Variants in TAFA4 observed in about 807,000 individuals in gnomAD.
TAFA4 encodes TAFA chemokine like family member 4.
Under a neutral mutation model 21.1 loss-of-function variants are expected in TAFA4, and 20 were observed. That is an observed-to-expected ratio of 0.95 (90% CI 0.67 to 1.38). TAFA4 has a LOEUF of 1.38. TAFA4 is among the 40% of genes most tolerant of loss of function. The pLI is 0.00. For missense variants in TAFA4, 211 were observed against 180.9 expected (o/e 1.17, Z -0.95); for synonymous variants, 71 against 67.4 (o/e 1.05, Z -0.26).
chr3:68,902,152 G>A (rs1387050671), intron 1 of TAFA4, among the ~76,000 whole-genome samples: 1 of 152,144 alleles, frequency 6.6e-6, no homozygotes, highest in Non-Finnish European at 1.5e-5. Context: ...ATTTTACAAA[G>A]AAGGATATGT....
At chr3:68,735,875 C>G (rs1183946962) in intron 5 of TAFA4, among the ~76,000 whole-genome samples, 1 of 152,094 alleles carries the variant, frequency 6.6e-6, no homozygotes, top group Admixed American at 6.6e-5. Context: ...GTTGTAGAAG[C>G]TGTCTGTGCT....
chr3:68,796,409 G>A (rs1312385517), intron 3 of TAFA4, among the ~76,000 whole-genome samples: 1 of 152,076 alleles, frequency 6.6e-6, no homozygotes, highest in South Asian at 2.1e-4. Context: ...AAGACACAGT[G>A]CAACTATAAA....
chr3:68,865,403 A>G (rs1440317338), intron 3 of TAFA4, among the ~76,000 whole-genome samples: 1 of 151,988 alleles, frequency 6.6e-6, no homozygotes, highest in African/African-American at 2.4e-5. Flanking sequence ...ATGGAAGGCA[A>G]TTGAATCATG....
chr3:68,875,630 A>G (rs1390627625), intron 3 of TAFA4, among the ~76,000 whole-genome samples: 3 of 152,234 alleles, frequency 2.0e-5, no homozygotes, highest in African/African-American at 7.2e-5. Context: ...ACCATATTAA[A>G]ATGGTATCAT....
At chr3:68,755,687 A>C (rs1702648057) in intron 3 of TAFA4, among the ~76,000 whole-genome samples, 1 of 152,166 alleles carries the variant, frequency 6.6e-6, no homozygotes, top group Non-Finnish European at 1.5e-5. Flanking sequence ...TCACTCACTC[A>C]GGGGAAACCC....
At chr3:68,876,305 A>T (rs1235494827) in intron 3 of TAFA4, among the ~76,000 whole-genome samples, 2 of 152,162 alleles carry the variant, frequency 1.3e-5, no homozygotes, top group Non-Finnish European at 2.9e-5. Context: ...AGCCTTGCCT[A>T]CCCCCTAGTG....
intron 3 of TAFA4, among the ~76,000 whole-genome samples, chr3:68,785,783 G>A (rs371953680): frequency 2.7e-5 from 4 of 149,630 alleles, no homozygotes; most frequent in Non-Finnish European, 4.4e-5. Flanking sequence ...AGGAGGTGCC[G>A]AGAGTGAGCG....
chr3:68,775,360 G>A (rs1466113040), intron 3 of TAFA4, among the ~76,000 whole-genome samples: 2 of 152,098 alleles, frequency 1.3e-5, no homozygotes, highest in African/African-American at 2.4e-5. Flanking sequence ...ATGCTGGGGA[G>A]AGTAATGTGG....
chr3:68,823,026 A>ATG (rs1315692297), intron 3 of TAFA4, among the ~76,000 whole-genome samples: 1 of 152,178 alleles, frequency 6.6e-6, no homozygotes, highest in African/African-American at 2.4e-5. Context: ...CCTATTGCCC[A>ATG]TTCAACCCCT....
At chr3:68,872,870 G>C (rs1267371841) in intron 3 of TAFA4, among the ~76,000 whole-genome samples, 4 of 152,096 alleles carry the variant, frequency 2.6e-5, no homozygotes, top group Non-Finnish European at 5.9e-5. Flanking sequence ...ACATAGGTAG[G>C]ACTTTGCAGA....
intron 5 of TAFA4, among the ~76,000 whole-genome samples, chr3:68,737,703 TAGA>T (rs1702269813): frequency 6.6e-6 from 1 of 152,166 alleles, no homozygotes; most frequent in Non-Finnish European, 1.5e-5. Context: ...AGTTCACACT[TAGA>T]AGGAGAACTG....
intron 3 of TAFA4, among the ~76,000 whole-genome samples, chr3:68,864,848 T>C (rs1282983286): frequency 8.0e-5 from 11 of 137,978 alleles, no homozygotes; most frequent in East Asian, 2.0e-4. Context: ...AGAACAATTA[T>C]GCAGAAAGAA....
At chr3:68,857,363 A>G (rs1172614250) in intron 3 of TAFA4, among the ~76,000 whole-genome samples, 1 of 152,148 alleles carries the variant, frequency 6.6e-6, no homozygotes, top group Non-Finnish European at 1.5e-5. Flanking sequence ...CACTGCAAAC[A>G]TAGAAAAACA....
intron 3 of TAFA4, among the ~76,000 whole-genome samples, chr3:68,822,563 C>A (rs985072449): frequency 1.3e-5 from 2 of 152,178 alleles, no homozygotes; most frequent in African/African-American, 2.4e-5. Context: ...CTTGACCTCC[C>A]TGGGCTTAAG....
chr3:68,740,576 T>A (rs1265197669), intron 4 of TAFA4, among the ~76,000 whole-genome samples: 3 of 152,202 alleles, frequency 2.0e-5, no homozygotes, highest in Non-Finnish European at 4.4e-5. Context: ...AGGTTTCTTT[T>A]ATATTTTGGA....
At chr3:68,782,066 G>A (rs1042020396) in intron 3 of TAFA4, among the ~76,000 whole-genome samples, 4 of 152,008 alleles carry the variant, frequency 2.6e-5, no homozygotes, top group East Asian at 1.9e-4. Context: ...GAAAAACAAC[G>A]GAGAAAATGG....
intron 3 of TAFA4, among the ~76,000 whole-genome samples, chr3:68,762,338 G>C (rs117359534): frequency 6.6e-6 from 1 of 152,240 alleles, no homozygotes; most frequent in East Asian, 1.9e-4. Context: ...GGCAAGGAGA[G>C]AAATGAGAAT....
chr3:68,846,703 T>C (rs1704808819), intron 3 of TAFA4, among the ~76,000 whole-genome samples: 1 of 152,220 alleles, frequency 6.6e-6, no homozygotes, highest in Non-Finnish European at 1.5e-5. Context: ...ATGGGCTTTC[T>C]GTGTGGATGT....
chr3:68,775,822 C>T (rs1703038423), intron 3 of TAFA4, among the ~76,000 whole-genome samples: 2 of 152,098 alleles, frequency 1.3e-5, no homozygotes, highest in Non-Finnish European at 2.9e-5. Context: ...AAGAGATAGA[C>T]CTGTTTCCTG....
Sources: allele counts gnomAD v4.1 joint callset (sites outside exome capture counted in the v4.1 genomes callset), GRCh38; gene constraint gnomAD v4.1.1; transcripts MANE v1.5; gene names NCBI Gene and HGNC (gene_info 2026-07-23, HGNC 2026-07-21).